NTNG2: variants seen among roughly 807,000 people sequenced by gnomAD.
NTNG2 encodes the protein netrin-G2.
NTNG2 carries 15 observed loss-of-function variants against 47.6 expected under a neutral mutation model. The ratio of observed to expected loss-of-function variants is 0.32; its 90% CI spans 0.21 to 0.49. NTNG2 has a LOEUF of 0.49. NTNG2 is among the 20% of genes least tolerant of loss of function. The pLI, the probability that NTNG2 is intolerant of heterozygous loss-of-function variation, is 0.99. For synonymous variants in NTNG2, 307 were observed against 324.6 expected, an observed-to-expected ratio of 0.95 and a Z score of 0.58; for missense variants, 578 against 764.6, an observed-to-expected ratio of 0.76 and a Z score of 2.88.
At chr9:132,233,582 G>A (rs1033372406) in intron 5 of NTNG2, 7 of 152,220 alleles carry the variant, frequency 4.6e-5, no homozygotes, top group African/African-American at 1.2e-4. Context: ...GGACATTAGG[G>A]GAGGAGGTGG....
At chr9:132,169,150 G>A (rs1440169190) in intron 2 of NTNG2, among the ~76,000 whole-genome samples, 1 of 152,224 alleles carries the variant, frequency 6.6e-6, no homozygotes, top group African/African-American at 2.4e-5. Flanking sequence ...CAGACAGGTG[G>A]GGAAGGCAGG....
At chr9:132,196,213 G>T (rs566772735) in intron 2 of NTNG2, among the ~76,000 whole-genome samples, 1 of 151,994 alleles carries the variant, frequency 6.6e-6, no homozygotes, top group African/African-American at 2.4e-5. Context: ...TGTTTGATAC[G>T]GAGTTTCACT....
intron 3 of NTNG2, among the ~76,000 whole-genome samples, chr9:132,207,068 G>T (rs779930174): frequency 6.6e-6 from 1 of 152,268 alleles, no homozygotes; most frequent in Non-Finnish European, 1.5e-5. Flanking sequence ...AGAGAGTCAC[G>T]CACAGCAACG....
At position 132,215,081 on chromosome 9, in the gene NTNG2, G is replaced by A. The variant is rs556583978; in HGVS notation, c.858-11768G>A. ...TTTTAATTTTTTTGTAGAGATTGGG[G>A]GGGGGGGTCTCACTTTCTTGCCCAG... On this transcript the variant is annotated intron_variant, in intron 3 of 7. Coordinates refer to ENST00000393229, the MANE Select transcript of NTNG2 (RefSeq NM_032536.4). The surrounding 1 kb of genome is among the most constrained non-coding windows in gnomAD (Gnocchi z 4.2). Among the ~76,000 whole-genome samples, 8 of 149,090 alleles carry A rather than the reference G, an allele frequency of 5.4e-5. No homozygotes were observed. The highest frequency in any genetic ancestry group is 2.1e-4 in the East Asian group (1 of 4,868).
chr9:132,191,393 T>C (rs1043231827), intron 2 of NTNG2, among the ~76,000 whole-genome samples: 3 of 152,114 alleles, frequency 2.0e-5, no homozygotes, highest in African/African-American at 7.2e-5. Flanking sequence ...TTCTAGGTAA[T>C]GTGAGACACA....
At chr9:132,210,925 C>T (rs900984652) in intron 3 of NTNG2, among the ~76,000 whole-genome samples, 1 of 152,200 alleles carries the variant, frequency 6.6e-6, no homozygotes, top group African/African-American at 2.4e-5. Context: ...GCCATTCACT[C>T]ATCTGTAACA....
At chr9:132,237,635 C>A (rs1377112192) in intron 5 of NTNG2, among the ~76,000 whole-genome samples, 1 of 152,212 alleles carries the variant, frequency 6.6e-6, no homozygotes. Flanking sequence ...GAAAACCCTC[C>A]TGGAGTAGCT....
chr9:132,194,829 C>T lies in NTNG2; in HGVS notation c.214-3137C>T, dbSNP rs181976641. Among the ~76,000 whole-genome samples, 11 of 152,366 alleles carry T rather than the reference C, an allele frequency of 7.2e-5. No homozygotes were observed. In the East Asian group the frequency reaches 1.7e-3, roughly 24 times the overall value. On this transcript the variant is annotated intron_variant, in intron 2 of 7. Coordinates refer to ENST00000393229, the MANE Select transcript of NTNG2 (RefSeq NM_032536.4). ...GCCCCAGGCAGCCAGGGGACCTGTC[C>T]TTCACCCTAGAGGATAGAAGCCCAA... is the stretch of plus-strand genomic sequence containing the variant.
intron 3 of NTNG2, among the ~76,000 whole-genome samples, chr9:132,213,061 G>A (rs1230485729): frequency 6.6e-6 from 1 of 152,158 alleles, no homozygotes; most frequent in Non-Finnish European, 1.5e-5. Flanking sequence ...GCTCATGCCT[G>A]TAACCTCAAC....
intron 2 of NTNG2, among the ~76,000 whole-genome samples, chr9:132,185,058 G>A (rs184064827): frequency 2.1e-3 from 315 of 152,146 alleles, no homozygotes; most frequent in Non-Finnish European, 4.0e-3. Context: ...GTGTCTGGCT[G>A]CAGGCTGAGA....
At position 132,241,129 on chromosome 9, in the gene NTNG2, G is replaced by A. The variant is rs972646496; in HGVS notation, c.1357+85G>A. The A allele has an allele frequency of 7.0e-6, 10 of 1,437,300 alleles. No homozygotes were observed. The South Asian group carries it at 7.0e-5, about 10-fold the overall frequency. The allele number at this position is 1,437,300 out of a possible 1,614,324, so 89.0% of individuals were successfully genotyped here. ...GGCAGTGGGCGGGGCCTAGTGGGAC[G>A]GGGCAGGGGCGGTGGACTGGGCCTA... is the stretch of plus-strand genomic sequence containing the variant. On this transcript the variant is annotated intron_variant, in intron 7 of 7. Coordinates refer to ENST00000393229, the MANE Select transcript of NTNG2 (RefSeq NM_032536.4).
intron 3 of NTNG2, among the ~76,000 whole-genome samples, chr9:132,204,107 G>T (rs903645217): frequency 3.3e-5 from 5 of 152,208 alleles, no homozygotes; most frequent in African/African-American, 1.2e-4. Flanking sequence ...GCCAGGCATT[G>T]CATCCTCACC....
intron 3 of NTNG2, among the ~76,000 whole-genome samples, chr9:132,219,712 G>A (rs1840229304): frequency 1.3e-5 from 2 of 151,992 alleles, no homozygotes; most frequent in Admixed American, 1.3e-4. Context: ...TACTTTTTCT[G>A]GCTGTATAGT....
intron 5 of NTNG2, among the ~76,000 whole-genome samples, chr9:132,235,834 G>A (rs911962991): frequency 2.6e-5 from 4 of 152,188 alleles, no homozygotes; most frequent in African/African-American, 7.2e-5. Flanking sequence ...GGGACCTGAG[G>A]TTGGAGGGGG....
intron 2 of NTNG2, among the ~76,000 whole-genome samples, chr9:132,189,813 A>T (rs951611785): frequency 1.3e-5 from 2 of 150,908 alleles, no homozygotes; most frequent in Non-Finnish European, 3.0e-5. Flanking sequence ...CTAATTATTT[A>T]TTTTTTTTAA....
At chr9:132,223,850 C>T (rs1252985127) in intron 3 of NTNG2, among the ~76,000 whole-genome samples, 1 of 152,180 alleles carries the variant, frequency 6.6e-6, no homozygotes, top group South Asian at 2.1e-4. Context: ...GAGCAGGACA[C>T]GCCTAACCAG....
intron 2 of NTNG2, among the ~76,000 whole-genome samples, chr9:132,192,719 A>G (rs1262159610): frequency 1.3e-5 from 2 of 152,238 alleles, no homozygotes; most frequent in African/African-American, 4.8e-5. Context: ...ACTCCTGACC[A>G]GCTCAGTGGA....
chr9:132,214,983 C>A (rs1267977956), intron 3 of NTNG2, among the ~76,000 whole-genome samples: 1 of 151,856 alleles, frequency 6.6e-6, no homozygotes, highest in Non-Finnish European at 1.5e-5. Context: ...CTCAAGCGAT[C>A]CTCCTGCCTC....
chr9:132,216,643 G>A (rs994369615), intron 3 of NTNG2, among the ~76,000 whole-genome samples: 3 of 152,134 alleles, frequency 2.0e-5, no homozygotes, highest in Non-Finnish European at 2.9e-5. Context: ...TGATGGATGA[G>A]CTGAAAAGTG....
Sources: gnomAD v4.1 joint callset for allele counts (sites outside exome capture counted in the v4.1 genomes callset) on GRCh38, gnomAD v4.1.1 for gene constraint, Gnocchi (gnomAD v3.1) non-coding constraint, MANE v1.5 for transcripts, NCBI Gene and HGNC (gene_info 2026-07-23, HGNC 2026-07-21) for gene names.